KCNH1: variants seen among roughly 807,000 people sequenced by gnomAD.
The protein encoded by KCNH1 is voltage-gated delayed rectifier potassium channel KCNH1.
A neutral mutation model predicts 69.2 loss-of-function variants in KCNH1; 27 were observed. The ratio of observed to expected loss-of-function variants is 0.39; its 90% CI spans 0.29 to 0.54. The LOEUF is 0.54. Ranked by LOEUF, KCNH1 falls within the 20% of genes least tolerant of loss-of-function variation. KCNH1 has a pLI of 0.68. For missense variants in KCNH1, 798 were observed against 1,261.6 expected (o/e 0.63, Z 5.57); for synonymous variants, 456 against 487.7 (o/e 0.93, Z 0.86).
At chr1:211,050,514 G>A (rs557363069) in intron 5 of KCNH1, among the ~76,000 whole-genome samples, 35 of 152,188 alleles carry the variant, frequency 2.3e-4, no homozygotes, top group African/African-American at 6.5e-4. Context: ...TTAACCATAC[G>A]CTTTACACTA....
intron 6 of KCNH1, among the ~76,000 whole-genome samples, chr1:211,011,311 C>G (rs767061181): frequency 7.9e-5 from 12 of 152,148 alleles, no homozygotes; most frequent in Non-Finnish European, 1.3e-4. Context: ...ATGAACTCAT[C>G]CTTTTTTATG....
At chr1:211,058,339 T>C (rs1160208204) in intron 5 of KCNH1, among the ~76,000 whole-genome samples, 2 of 152,166 alleles carry the variant, frequency 1.3e-5, no homozygotes, top group Non-Finnish European at 2.9e-5. Flanking sequence ...AATTGTGGTG[T>C]ATAAACTAAT....
intron 7 of KCNH1, among the ~76,000 whole-genome samples, chr1:210,868,364 T>TA (rs1686161220): frequency 6.6e-6 from 1 of 152,024 alleles, no homozygotes; most frequent in Admixed American, 6.6e-5. Context: ...AGTCTGTGGC[T>TA]AAAAATTTCA....
At chr1:210,796,175 A>G (rs190339681) in intron 9 of KCNH1, among the ~76,000 whole-genome samples, 252 of 149,438 alleles carry the variant, frequency 1.7e-3, no homozygotes, top group African/African-American at 5.9e-3. Context: ...AAAAATTATC[A>G]TCAGAATTGC....
intron 7 of KCNH1, among the ~76,000 whole-genome samples, chr1:210,889,393 C>T (rs189810880): frequency 1.3e-3 from 200 of 152,192 alleles, no homozygotes; most frequent in Non-Finnish European, 2.4e-3. Flanking sequence ...TAGGTATTGA[C>T]GGAACGTATC....
chr1:210,727,195 G>A (rs1197713880), intron 10 of KCNH1, among the ~76,000 whole-genome samples: 1 of 152,178 alleles, frequency 6.6e-6, no homozygotes, highest in Non-Finnish European at 1.5e-5. Flanking sequence ...GGGAGAAAAA[G>A]AGAAGTATGT....
chr1:210,941,863 A>C (rs1687880920), intron 6 of KCNH1, among the ~76,000 whole-genome samples: 1 of 152,134 alleles, frequency 6.6e-6, no homozygotes, highest in Admixed American at 6.5e-5. Context: ...TTGCCTTTAT[A>C]CTGTTTATGG....
rs113408573 is a variant in KCNH1, at chr1:211,077,276, C to T, written c.558+5504G>A. On this transcript the variant is annotated intron_variant, in intron 5 of 10. Transcript: ENST00000271751. Reference sequence around the variant, plus strand: ...TACGGAGAACTCCACAGACACTCCTCGGAACAGCGACCCCAAGATACATGA... The same window carrying T: ...TACGGAGAACTCCACAGACACTCCTTGGAACAGCGACCCCAAGATACATGA... Among the ~76,000 whole-genome samples the T allele has an allele frequency of 9.5e-3, 1,441 of 152,016 alleles. 15 individuals carry two copies. The highest frequency in any genetic ancestry group is 0.013 in the Admixed American group (202 of 15,262).
Position 210,682,356 on chromosome 1 carries a change from T to C in KCNH1, c.*925A>G, listed in dbSNP as rs1681289344. 6.6e-6 allele frequency: 1 copy of C among 152,218 alleles called. No homozygotes were observed. Among genetic ancestry groups the C allele is most frequent in the Admixed American group, 6.5e-5 (1 of 15,284 alleles). The allele number at this position is 152,218 out of a possible 1,614,324, so 9.4% of individuals were successfully genotyped here. On this transcript the variant is annotated 3_prime_UTR_variant, in exon 11 of 11. Transcript: ENST00000271751. The stretch of plus-strand genomic sequence containing the variant: ...GTGTGTGTCTGTGTGTCTGCTTTGT[T>C]AATAAAGCAACTCTGGGCTCATGAC...
intron 7 of KCNH1, chr1:210,858,188 C>T (rs939558728): frequency 1.9e-4 from 29 of 152,188 alleles, no homozygotes; most frequent in African/African-American, 7.0e-4. Flanking sequence ...CTTAGATCAA[C>T]TCTTTCACAG....
chr1:210,711,800 CTGCACACAGTAGGGGCAGGA>C (rs900581661), intron 10 of KCNH1, among the ~76,000 whole-genome samples: 2 of 152,200 alleles, frequency 1.3e-5, no homozygotes, highest in African/African-American at 2.4e-5. Flanking sequence ...TCCCTGGGGC[CTGCACACAGTAGGGGCAGGA>C]TAAACAACTG....
chr1:210,854,053 A>G (rs888526233), intron 7 of KCNH1, among the ~76,000 whole-genome samples: 7 of 151,106 alleles, frequency 4.6e-5, no homozygotes, highest in African/African-American at 1.7e-4. Context: ...GCCAAAAATC[A>G]TGTTATTCCA....
intron 10 of KCNH1, among the ~76,000 whole-genome samples, chr1:210,690,386 C>T (rs1681503001): frequency 1.3e-5 from 2 of 152,274 alleles, no homozygotes; most frequent in African/African-American, 2.4e-5. Flanking sequence ...GGTGCTGACT[C>T]AGGCACCTTG....
intron 5 of KCNH1, among the ~76,000 whole-genome samples, chr1:211,059,686 T>C (rs1690392780): frequency 6.6e-6 from 1 of 151,586 alleles, no homozygotes; most frequent in African/African-American, 2.4e-5. Context: ...GAGCTTGCAG[T>C]GAGCCGAGAT....
At chr1:210,825,848 T>G (rs1685020756) in intron 7 of KCNH1, among the ~76,000 whole-genome samples, 1 of 152,212 alleles carries the variant, frequency 6.6e-6, no homozygotes, top group South Asian at 2.1e-4. Flanking sequence ...GCATTTATTA[T>G]GAGGAACTGG....
intron 10 of KCNH1, among the ~76,000 whole-genome samples, chr1:210,717,111 C>G (rs1464014374): frequency 6.6e-6 from 1 of 152,126 alleles, no homozygotes; most frequent in South Asian, 2.1e-4. Context: ...CCCAGGAAGC[C>G]TCTGGGGTCA....
intron 5 of KCNH1, chr1:211,063,539 G>A (rs988520784): frequency 2.0e-5 from 3 of 152,194 alleles, no homozygotes; most frequent in South Asian, 2.1e-4. Flanking sequence ...TCGGGAGTTC[G>A]AGACCACCCT....
At chr1:211,113,745 C>T (rs1691513812) in intron 1 of KCNH1, among the ~76,000 whole-genome samples, 1 of 152,156 alleles carries the variant, frequency 6.6e-6, no homozygotes, top group East Asian at 1.9e-4. Context: ...CCCAACTGCC[C>T]GTGGCTGCTG....
intron 2 of KCNH1, among the ~76,000 whole-genome samples, chr1:211,106,871 A>G (rs773627400): frequency 3.2e-4 from 48 of 152,336 alleles, no homozygotes; most frequent in Admixed American, 3.3e-4. Context: ...TTACCCTTCT[A>G]AAATGCTCAT....
Sources: gnomAD v4.1 joint callset for allele counts (sites outside exome capture counted in the v4.1 genomes callset) on GRCh38, gnomAD v4.1.1 for gene constraint, MANE v1.5 for transcripts, NCBI Gene and HGNC (gene_info 2026-07-23, HGNC 2026-07-21) for gene names.